DOP1A: variants seen among roughly 807,000 people sequenced by gnomAD.
DOP1A encodes protein DOP1A.
A neutral mutation model predicts 267.6 loss-of-function variants in DOP1A; 90 were observed. The observed-to-expected ratio is 0.34, with a 90% CI of 0.28 to 0.40. The LOEUF is 0.40. DOP1A is among the 10% of genes least tolerant of loss of function. The pLI is 1.00. For missense variants in DOP1A, 2,437 were observed against 2,900.4 expected, an observed-to-expected ratio of 0.84 and a Z score of 3.67; for synonymous variants, 932 against 999.1, an observed-to-expected ratio of 0.93 and a Z score of 1.27.
rs553577274 is a variant in DOP1A, at chr6:83,080,507, A to G, written c.-147+12728A>G. On this transcript the variant is annotated intron_variant, in intron 1 of 38. Transcript: ENST00000349129. ...AAAAAACCTGTCTTTAGTAGGTCCT[A>G]TAAAGCATCCCTTAGGTGCTTAATA... Among the ~76,000 whole-genome samples, 115 of 152,314 alleles carry G rather than the reference A, an allele frequency of 7.6e-4. 1 individual carries two copies. The highest frequency in any genetic ancestry group is 3.4e-3 in the Middle Eastern group (1 of 294).
chr6:83,098,667 C>T (rs1219760434), intron 3 of DOP1A, among the ~76,000 whole-genome samples: 3 of 152,126 alleles, frequency 2.0e-5, no homozygotes, highest in Non-Finnish European at 4.4e-5. Flanking sequence ...GGTGAAGGGA[C>T]GTAGAACTTT....
Position 83,138,116 on chromosome 6 carries a change from C to A in DOP1A, c.4074C>A (p.Pro1358=). The A allele has an allele frequency of 6.2e-7, 1 of 1,613,840 alleles. No homozygotes were observed. The highest frequency in any genetic ancestry group is 8.5e-7 in the Non-Finnish European group (1 of 1,179,862). Residue 1358 remains proline, a synonymous_variant, in exon 21 of 39, where the codon CCC becomes CCA. Transcript: ENST00000349129. The part of the protein sequence containing the change: ...DMGSPGSRKS[P]NFNIHPLYQH... ...GTTCTCCAGGATCTCGAAAATCTCC[C>A]AATTTCAACATTCATCCTCTCTATC...
Position 83,132,448 on chromosome 6 carries a change from TAGCTTTGTTCAC to T in DOP1A, c.2769+123_2769+134del, listed in dbSNP as rs1374892224. The T allele has an allele frequency of 3.5e-6, 4 of 1,133,862 alleles. No homozygotes were observed. In the East Asian group the frequency reaches 1.0e-4, roughly 29 times the overall value. The allele number at this position is 1,133,862 out of a possible 1,614,324, so 70.2% of individuals were successfully genotyped here. A position where few individuals can be genotyped will look rare whatever the true frequency, so the allele number is the denominator to read the frequency against. On this transcript the variant is annotated intron_variant, in intron 18 of 38. Coordinates refer to ENST00000349129, the MANE Select transcript of DOP1A (RefSeq NM_015018.4). ...CAATTAACATCGGAGTAAGAGAAAATAGCTTTGTTCACAGTGATCTTAATATCTTTAAAATAA... is the reference window on the plus strand; with the variant it reads ...CAATTAACATCGGAGTAAGAGAAAATAGTGATCTTAATATCTTTAAAATAA...
intron 1 of DOP1A, among the ~76,000 whole-genome samples, chr6:83,089,354 T>C (rs1769907383): frequency 6.6e-6 from 1 of 152,248 alleles, no homozygotes; most frequent in South Asian, 2.1e-4. Flanking sequence ...CTGTACTACC[T>C]ACTAATTTTT....
In DOP1A at chr6:83,167,470, G is replaced by C. The variant is rs1366154150; in HGVS notation, c.7093-392G>C. On this transcript the variant is annotated intron_variant, in intron 38 of 38. Transcript: ENST00000349129. Reference sequence around the variant, plus strand: ...TATTATGAAATGTATAAAGCACTTTGTTCCTTTTTTCTGTAGTAATTTTGT... The same window carrying C: ...TATTATGAAATGTATAAAGCACTTTCTTCCTTTTTTCTGTAGTAATTTTGT... The C allele has an allele frequency of 4.0e-6, 4 of 991,174 alleles. No homozygotes were observed. In the African/African-American group the frequency reaches 7.0e-5, roughly 17 times the overall value. The allele number at this position is 991,174 out of a possible 1,614,324, so 61.4% of individuals were successfully genotyped here.
At chr6:83,168,872 G>C, downstream of DOP1A, 5 of 1,049,572 alleles carry the variant, frequency 4.8e-6, no homozygotes, top group Non-Finnish European at 5.8e-6. Flanking sequence ...ACATCATCTT[G>C]CTCATGTGAT....
intron 24 of DOP1A, among the ~76,000 whole-genome samples, chr6:83,142,455 C>T (rs1028308182): frequency 2.0e-5 from 3 of 151,870 alleles, no homozygotes; most frequent in Non-Finnish European, 4.4e-5. Flanking sequence ...TTGTGGTGAG[C>T]CAAGATCATG....
chr6:83,115,519 G>T (rs940677618), intron 7 of DOP1A, among the ~76,000 whole-genome samples: 1 of 152,048 alleles, frequency 6.6e-6, no homozygotes, highest in Admixed American at 6.5e-5. Context: ...TCAGGAGATC[G>T]AGACCATCCT....
chr6:83,119,464 C>A lies in DOP1A; in HGVS notation c.881-284C>A, dbSNP rs184328592. ...CTCTTTACTGCCTAGAGTGAGGGGACATAATATAACTTATTGTGGATGTTC... is the reference window on the plus strand; with the variant it reads ...CTCTTTACTGCCTAGAGTGAGGGGAAATAATATAACTTATTGTGGATGTTC... On this transcript the variant is annotated intron_variant, in intron 8 of 38. Transcript: ENST00000349129. Among the ~76,000 whole-genome samples the A allele has an allele frequency of 3.9e-3, 594 of 152,114 alleles. 2 individuals carry two copies. The highest frequency in any genetic ancestry group is 0.014 in the African/African-American group (564 of 41,514).
At chr6:83,071,396 A>G (rs914956600) in intron 1 of DOP1A, among the ~76,000 whole-genome samples, 1 of 152,010 alleles carries the variant, frequency 6.6e-6, no homozygotes, top group Non-Finnish European at 1.5e-5. Context: ...TAGCAGAGAC[A>G]GGGTTTCGCC....
intron 15 of DOP1A, among the ~76,000 whole-genome samples, chr6:83,126,458 T>C (rs1777171132): frequency 6.6e-6 from 1 of 152,138 alleles, no homozygotes; most frequent in South Asian, 2.1e-4. Flanking sequence ...CTATGCTAGT[T>C]GCTGGCTATC....
chr6:83,072,034 A>G (rs1254627063), intron 1 of DOP1A, among the ~76,000 whole-genome samples: 1 of 152,180 alleles, frequency 6.6e-6, no homozygotes, highest in Non-Finnish European at 1.5e-5. Context: ...CTTAAGTTTT[A>G]TATAGCTATA....
At position 83,151,919 on chromosome 6, in the gene DOP1A, A is replaced by G. The variant is rs748014943; in HGVS notation, c.5941A>G (p.Ile1981Val). The change falls in exon 29 of 39, where the codon ATT becomes GTT. Residue 1981 changes from isoleucine (I) to valine (V), a missense_variant. Physicochemically the swap from Ile to Val is conservative, Grantham distance 29. Coordinates refer to ENST00000349129, the MANE Select transcript of DOP1A (RefSeq NM_015018.4). Reference sequence around the variant, plus strand: ...CAAAATAGTGGATGCAATTGGTGCAATTGCTGGTTCTTCTCTGGAACAGAC... The same window carrying G: ...CAAAATAGTGGATGCAATTGGTGCAGTTGCTGGTTCTTCTCTGGAACAGAC... ...THKIVDAIGA[I>V]AGSSLEQTTW... 5.6e-6 allele frequency: 9 copies of G among 1,613,714 alleles called. No individual in the cohort carries two copies. Among genetic ancestry groups the G allele is most frequent in the African/African-American group, 4.0e-5 (3 of 74,858 alleles).
chr6:83,169,121 G>T (rs914361296), downstream of DOP1A: 11 of 1,512,544 alleles, frequency 7.3e-6, no homozygotes, highest in Non-Finnish European at 8.8e-6. Context: ...AGACAATCCA[G>T]TAGGCTGCAT....
intron 34 of DOP1A, among the ~76,000 whole-genome samples, chr6:83,156,474 T>C (rs1478663081): frequency 2.0e-5 from 3 of 152,208 alleles, no homozygotes; most frequent in Non-Finnish European, 4.4e-5. Context: ...AAATTGTGGC[T>C]AGAAGTAACA....
intron 16 of DOP1A, 111 bp downstream of exon 16, chr6:83,129,619 GT>G: frequency 1.9e-6 from 2 of 1,057,326 alleles, no homozygotes; most frequent in Non-Finnish European, 2.5e-6. Context: ...TTTTTTTAAT[GT>G]TTTAATTTGC....
chr6:83,121,016 T>C (rs1776290446), intron 10 of DOP1A, among the ~76,000 whole-genome samples: 1 of 151,886 alleles, frequency 6.6e-6, no homozygotes, highest in Non-Finnish European at 1.5e-5. Flanking sequence ...GAAGAATCCC[T>C]TTAAAGATGC....
chr6:83,148,121 A>C (rs1780909134), intron 26 of DOP1A, among the ~76,000 whole-genome samples: 1 of 152,172 alleles, frequency 6.6e-6, no homozygotes, highest in South Asian at 2.1e-4. Context: ...TTTCTAGATT[A>C]AGAAATTGCA....
intron 20 of DOP1A, among the ~76,000 whole-genome samples, chr6:83,136,684 G>A (rs1022340479): frequency 2.0e-5 from 3 of 151,996 alleles, no homozygotes; most frequent in Admixed American, 2.0e-4. Flanking sequence ...TCTGAATCTT[G>A]TAAGAATTTG....
Sources: gnomAD v4.1 joint callset for allele counts (sites outside exome capture counted in the v4.1 genomes callset) on GRCh38, gnomAD v4.1.1 for gene constraint, MANE v1.5 for transcripts, NCBI Gene and HGNC (gene_info 2026-07-23, HGNC 2026-07-21) for gene names.